The following RERE variants were observed in gnomAD, a reference collection of about 807,000 sequenced individuals.
The protein encoded by RERE is arginine-glutamic acid dipeptide repeats, also known as arginine-glutamic acid dipeptide repeats protein.
A neutral mutation model predicts 146.1 loss-of-function variants in RERE; 40 were observed. That is an observed-to-expected ratio of 0.27 (90% CI 0.21 to 0.36). The LOEUF is 0.36. Ranked by LOEUF, RERE falls within the 10% of genes least tolerant of loss-of-function variation. The pLI is 1.00. For synonymous variants in RERE, 1,003 were observed against 866.0 expected (o/e 1.16, Z -2.78); for missense variants, 1,933 against 2,138.7 (o/e 0.90, Z 1.90).
At chr1:8,533,131 T>A (rs543884612) in intron 7 of RERE, among the ~76,000 whole-genome samples, 5 of 152,224 alleles carry the variant, frequency 3.3e-5, no homozygotes, top group African/African-American at 4.8e-5. Context: ...TTTTTACCTA[T>A]TTCCTCTTTC....
At chr1:8,788,768 A>G (rs1230373190) in intron 1 of RERE, among the ~76,000 whole-genome samples, 1 of 151,418 alleles carries the variant, frequency 6.6e-6, no homozygotes, top group Non-Finnish European at 1.5e-5. Flanking sequence ...GTGCCTGACC[A>G]GCCCTGACAG....
intron 12 of RERE, among the ~76,000 whole-genome samples, chr1:8,417,059 G>A (rs1643796455): frequency 6.6e-6 from 1 of 152,228 alleles, no homozygotes; most frequent in Non-Finnish European, 1.5e-5. Context: ...CACATTCTCA[G>A]TAGCATCAAC....
chr1:8,448,822 C>T (rs1047942168), intron 11 of RERE, among the ~76,000 whole-genome samples: 1 of 151,872 alleles, frequency 6.6e-6, no homozygotes, highest in African/African-American at 2.4e-5. Flanking sequence ...GAGCAAGACT[C>T]CATCTCAAAC....
At chr1:8,731,651 G>A (rs1640086882) in intron 1 of RERE, among the ~76,000 whole-genome samples, 1 of 151,942 alleles carries the variant, frequency 6.6e-6, no homozygotes, top group Non-Finnish European at 1.5e-5. Flanking sequence ...TTAAGAAGGA[G>A]TTCTTAGGGA....
chr1:8,719,081 GC>G (rs1201179730), intron 1 of RERE, among the ~76,000 whole-genome samples: 9 of 152,188 alleles, frequency 5.9e-5, no homozygotes, highest in Non-Finnish European at 4.4e-5. Flanking sequence ...GCAGGGGGCA[GC>G]AAAATCAGCA....
intron 1 of RERE, among the ~76,000 whole-genome samples, chr1:8,808,444 T>C (rs1423870692): frequency 6.6e-6 from 1 of 152,130 alleles, no homozygotes; most frequent in Non-Finnish European, 1.5e-5. Context: ...ACAATAACAG[T>C]AATAATAAAA....
rs1644036274 is a variant in RERE at position 8,427,748 on chromosome 1, G to C, written c.1204-4941C>G. Among the ~76,000 whole-genome samples the C allele has an allele frequency of 3.3e-5, 5 of 151,550 alleles. No individual in the cohort carries two copies. The South Asian group carries it at 1.0e-3, about 32-fold the overall frequency. Reference sequence around the variant, plus strand: ...ACCAGCAAAACATCTGCTTCTCAGAGACCAGCCTTTAGCTTGTGGTTTACC... The same window carrying C: ...ACCAGCAAAACATCTGCTTCTCAGACACCAGCCTTTAGCTTGTGGTTTACC... On this transcript the variant is annotated intron_variant, in intron 11 of 22. Coordinates refer to ENST00000400908, the MANE Select transcript of RERE (RefSeq NM_001042681.2).
chr1:8,394,146 A>G (rs932162920), intron 12 of RERE, among the ~76,000 whole-genome samples: 1 of 152,204 alleles, frequency 6.6e-6, no homozygotes. Flanking sequence ...CTATAATCCC[A>G]ACTTTCAATT....
chr1:8,702,293 G>A (rs1006886289), intron 1 of RERE, among the ~76,000 whole-genome samples: 4 of 152,146 alleles, frequency 2.6e-5, no homozygotes, highest in African/African-American at 9.7e-5. Context: ...CCCACAGAGC[G>A]CGGGGCACAT....
At chr1:8,436,604 T>C (rs890810656) in intron 11 of RERE, among the ~76,000 whole-genome samples, 22 of 152,144 alleles carry the variant, frequency 1.4e-4, no homozygotes, top group Non-Finnish European at 1.0e-4. Context: ...TTGCAAAAAC[T>C]GTAATTAAAG....
intron 12 of RERE, among the ~76,000 whole-genome samples, chr1:8,401,069 A>ATATATATATGTATG (rs761609705): frequency 5.9e-5 from 5 of 85,110 alleles, no homozygotes; most frequent in Non-Finnish European, 5.0e-5. Flanking sequence ...ATATATATAT[A>ATATATATATGTATG]TATGTCACTT....
Position 8,799,713 on chromosome 1 carries a change from C to T in RERE, c.-145+17447G>A, listed in dbSNP as rs563475635. ...GTTTGAATGAGGCCCAAAACAAATT[C>T]GTAAACTTTCTTAAAACATTATGAG... On this transcript the variant is annotated intron_variant, in intron 1 of 22. Coordinates refer to ENST00000400908, the MANE Select transcript of RERE (RefSeq NM_001042681.2). 2.6e-3 allele frequency among the ~76,000 whole-genome samples: 394 copies of T among 151,648 alleles called. 3 individuals carry two copies. Among genetic ancestry groups the T allele is most frequent in the African/African-American group, 8.9e-3 (367 of 41,308 alleles).
At chr1:8,440,839 G>A (rs1024521593) in intron 11 of RERE, among the ~76,000 whole-genome samples, 4 of 151,646 alleles carry the variant, frequency 2.6e-5, no homozygotes, top group African/African-American at 9.7e-5. Flanking sequence ...GGAAGTTGCA[G>A]TGAACCAAGA....
At chr1:8,507,832 G>A (rs565634372) in intron 8 of RERE, among the ~76,000 whole-genome samples, 318 of 132,668 alleles carry the variant, frequency 2.4e-3, no homozygotes, top group Non-Finnish European at 3.6e-3. Context: ...CTCCGCCTCC[G>A]GGGTTCAAGT....
chr1:8,573,545 G>A (rs1309470850), intron 4 of RERE, among the ~76,000 whole-genome samples: 1 of 152,122 alleles, frequency 6.6e-6, no homozygotes, highest in Non-Finnish European at 1.5e-5. Context: ...ACATTTTCCT[G>A]ATAGTAGACA....
At chr1:8,609,693 C>T (rs1308638955) in intron 4 of RERE, among the ~76,000 whole-genome samples, 15 of 152,114 alleles carry the variant, frequency 9.9e-5, no homozygotes, top group Admixed American at 8.5e-4. Flanking sequence ...AGGTAACAAA[C>T]GTAATACAAT....
intron 11 of RERE, among the ~76,000 whole-genome samples, chr1:8,437,040 C>T (rs1485520728): frequency 1.3e-5 from 2 of 152,148 alleles, no homozygotes; most frequent in African/African-American, 2.4e-5. Context: ...TCATGGGCAA[C>T]GATATCATAA....
chr1:8,567,676 T>C (rs2124444611), intron 4 of RERE, among the ~76,000 whole-genome samples: 1 of 152,356 alleles, frequency 6.6e-6, no homozygotes, highest in Middle Eastern at 3.4e-3. Context: ...GTATGAACAC[T>C]GAAATTTTCA....
At chr1:8,390,852 C>T (rs905503635) in intron 12 of RERE, among the ~76,000 whole-genome samples, 2 of 152,162 alleles carry the variant, frequency 1.3e-5, no homozygotes, top group African/African-American at 2.4e-5. Context: ...AGCGGGGGGT[C>T]CTCCCTGACG....
Sources: allele counts gnomAD v4.1 joint callset (sites outside exome capture counted in the v4.1 genomes callset), GRCh38; gene constraint gnomAD v4.1.1; transcripts MANE v1.5; gene names NCBI Gene and HGNC (gene_info 2026-07-23, HGNC 2026-07-21).